The following MAP7 variants were observed in gnomAD, a reference collection of about 807,000 sequenced individuals.
The protein encoded by MAP7 is microtubule associated protein 7, also known as ensconsin.
MAP7 carries 52 observed loss-of-function variants against 94.8 expected under a neutral mutation model. That is an observed-to-expected ratio of 0.55 (90% CI 0.44 to 0.69). MAP7 has a LOEUF of 0.69. Ranked by LOEUF, MAP7 falls within the 30% of genes least tolerant of loss-of-function variation. The pLI, the probability that MAP7 is intolerant of heterozygous loss-of-function variation, is 0.00. For synonymous variants in MAP7, 350 were observed against 357.0 expected (o/e 0.98, Z 0.22); for missense variants, 940 against 964.6 (o/e 0.97, Z 0.34).
intron 3 of MAP7, among the ~76,000 whole-genome samples, chr6:136,401,547 C>A (rs1156517860): frequency 6.6e-6 from 1 of 152,072 alleles, no homozygotes; most frequent in South Asian, 2.1e-4. Flanking sequence ...AACCAAACAC[C>A]GCATGTTCTC....
intron 2 of MAP7, among the ~76,000 whole-genome samples, chr6:136,418,672 C>A (rs1238502304): frequency 6.6e-6 from 1 of 152,074 alleles, no homozygotes; most frequent in Non-Finnish European, 1.5e-5. Context: ...AAAAGGGATT[C>A]TCAGAAATCA....
At position 136,384,049 on chromosome 6, in the gene MAP7, G is replaced by C. The variant is rs572368427; in HGVS notation, c.527-268C>G. Among the ~76,000 whole-genome samples the C allele has an allele frequency of 2.6e-5, 4 of 152,310 alleles. No homozygotes were observed. The South Asian group carries it at 8.3e-4, about 32-fold the overall frequency. The stretch of plus-strand genomic sequence containing the variant: ...GGATACAAGTGGATGAAGACAAAAG[G>C]AAGGCCAGTGAAGGGCTTCTAAAAT... On this transcript the variant is annotated intron_variant, in intron 5 of 17. Transcript: ENST00000354570.
At chr6:136,376,876 G>C (rs1296600977) in intron 7 of MAP7, among the ~76,000 whole-genome samples, 1 of 152,172 alleles carries the variant, frequency 6.6e-6, no homozygotes, top group Non-Finnish European at 1.5e-5. Context: ...TTAAAAGCAG[G>C]CTAATGAACA....
chr6:136,382,989 T>C (rs556250345), intron 6 of MAP7, among the ~76,000 whole-genome samples: 1 of 152,328 alleles, frequency 6.6e-6, no homozygotes, highest in East Asian at 1.9e-4. Context: ...AACAAAACTT[T>C]TGCTTTATAA....
Position 136,356,676 on chromosome 6 carries a change from G to A in MAP7, c.2015+16C>T. The stretch of plus-strand genomic sequence containing the variant: ...ACAGTAATGTTTTACTTTAATGAAT[G>A]TCAGTGAAAACTCACCTCTCCACTG... On this transcript the variant is annotated intron_variant, in intron 16 of 17. Coordinates refer to ENST00000354570, the MANE Select transcript of MAP7 (RefSeq NM_003980.6). The A allele has an allele frequency of 3.8e-6, 6 of 1,591,442 alleles. No individual in the cohort carries two copies. The highest frequency in any genetic ancestry group is 5.2e-6 in the Non-Finnish European group (6 of 1,159,626).
chr6:136,535,714 CTTT>C (rs200943172), intron 1 of MAP7, among the ~76,000 whole-genome samples: 2 of 137,260 alleles, frequency 1.5e-5, no homozygotes, highest in Non-Finnish European at 1.6e-5. Flanking sequence ...CTTTTTTTTT[CTTT>C]TTTTTTTAGT....
intron 1 of MAP7, among the ~76,000 whole-genome samples, chr6:136,452,262 T>A (rs1479257559): frequency 6.6e-6 from 1 of 150,782 alleles, no homozygotes; most frequent in East Asian, 2.0e-4. Context: ...TGAGGAGTTG[T>A]TTCTTATGGA....
intron 3 of MAP7, among the ~76,000 whole-genome samples, chr6:136,399,397 T>A (rs1177669044): frequency 6.6e-6 from 1 of 152,178 alleles, no homozygotes; most frequent in Non-Finnish European, 1.5e-5. Context: ...CAGGCTGAAG[T>A]ACAATGGGAT....
chr6:136,546,939 T>C (rs571931531), intron 1 of MAP7, among the ~76,000 whole-genome samples: 2 of 152,326 alleles, frequency 1.3e-5, no homozygotes, highest in South Asian at 4.1e-4. Flanking sequence ...TGAGCACAAT[T>C]GCCTAGTCTA....
chr6:136,362,895 TGTAA>T (rs1208518241), intron 10 of MAP7, among the ~76,000 whole-genome samples, 193 bp from the exon 11 acceptor site: 1 of 152,210 alleles, frequency 6.6e-6, no homozygotes. Context: ...AATCAGTATG[TGTAA>T]GTAAGACATC....
chr6:136,380,529 G>GA (rs1479347406), intron 6 of MAP7, among the ~76,000 whole-genome samples: 1 of 152,098 alleles, frequency 6.6e-6, no homozygotes, highest in African/African-American at 2.4e-5. Flanking sequence ...AGATTCTGGG[G>GA]AAAAAATGTA....
chr6:136,360,909 C>T (rs1256275862), intron 12 of MAP7, 96 bp downstream of exon 12: 3 of 1,545,584 alleles, frequency 1.9e-6, no homozygotes, highest in East Asian at 2.2e-5. Flanking sequence ...GTGTGGAAAG[C>T]GGGAGCACCA....
intron 17 of MAP7, among the ~76,000 whole-genome samples, chr6:136,345,569 G>A (rs931093413): frequency 2.0e-5 from 3 of 152,202 alleles, no homozygotes; most frequent in Non-Finnish European, 2.9e-5. Context: ...CATGCATGAT[G>A]TCGGGTAATG....
At position 136,366,364 on chromosome 6, in the gene MAP7, T is replaced by C. The variant is rs377171374; in HGVS notation, c.952A>G (p.Asn318Asp). 1.2e-4 allele frequency: 189 copies of C among 1,614,176 alleles called. No homozygotes were observed. In the Middle Eastern group the frequency reaches 1.5e-3, roughly 13 times the overall value. The change falls in exon 9 of 18, where the codon AAT (asparagine) becomes GAT (aspartate). Residue 318 changes from asparagine to aspartate, a missense_variant. By Grantham distance (23) the Asn-to-Asp change is conservative. Coordinates refer to ENST00000354570, the MANE Select transcript of MAP7 (RefSeq NM_003980.6). ...CGAGCTGGTTGTCTTGCTTTGGGAT[T>C]AGATGGAGATACAGCCCTTCGGGTG... is the stretch of plus-strand genomic sequence containing the variant. ...SGTRRAVSPS[N>D]PKARQPARSR...
intron 5 of MAP7, among the ~76,000 whole-genome samples, chr6:136,385,225 A>G (rs1778880291): frequency 6.6e-6 from 1 of 151,940 alleles, no homozygotes; most frequent in Non-Finnish European, 1.5e-5. Flanking sequence ...AGTCATTTCT[A>G]TCTTCAGCTG....
At chr6:136,418,809 A>T (rs1258419005) in intron 2 of MAP7, among the ~76,000 whole-genome samples, 3 of 152,230 alleles carry the variant, frequency 2.0e-5, no homozygotes, top group Non-Finnish European at 4.4e-5. Context: ...CATTCCTATG[A>T]CCCGTATCCC....
At chr6:136,381,093 C>T (rs1312984071) in intron 6 of MAP7, among the ~76,000 whole-genome samples, 3 of 152,322 alleles carry the variant, frequency 2.0e-5, no homozygotes, top group Non-Finnish European at 4.4e-5. Context: ...GGTAAGAATG[C>T]TTTCTAATGA....
chr6:136,431,234 A>G (rs1794792359), intron 1 of MAP7, among the ~76,000 whole-genome samples: 1 of 152,188 alleles, frequency 6.6e-6, no homozygotes, highest in South Asian at 2.1e-4. Context: ...AATCTGTCCC[A>G]CGCTATTTAG....
chr6:136,392,692 T>C (rs1418083794), intron 3 of MAP7, among the ~76,000 whole-genome samples: 2 of 152,180 alleles, frequency 1.3e-5, no homozygotes, highest in African/African-American at 4.8e-5. Flanking sequence ...TTTTGATAGA[T>C]ATTGTCATAC....
Sources: allele counts gnomAD v4.1 joint callset (sites outside exome capture counted in the v4.1 genomes callset), GRCh38; gene constraint gnomAD v4.1.1; transcripts MANE v1.5; gene names NCBI Gene and HGNC (gene_info 2026-07-23, HGNC 2026-07-21).